GRPEL1: variants seen among roughly 807,000 people sequenced by gnomAD.
GRPEL1 encodes the protein grpE protein homolog 1, mitochondrial.
A neutral mutation model predicts 22.1 loss-of-function variants in GRPEL1; 13 were observed. The observed-to-expected ratio is 0.59, with a 90% CI of 0.38 to 0.94. The LOEUF (loss-of-function observed/expected upper bound fraction) is 0.94. Ranked by LOEUF, GRPEL1 falls within the 40% of genes least tolerant of loss-of-function variation. GRPEL1 has a pLI of 0.00. For missense variants in GRPEL1, 289 were observed against 264.6 expected, an observed-to-expected ratio of 1.09 and a Z score of -0.64; for synonymous variants, 109 against 105.3, an observed-to-expected ratio of 1.03 and a Z score of -0.21.
Position 7,062,124 on chromosome 4 carries a change from C to T in GRPEL1, c.307+261G>A, listed in dbSNP as rs555113395. ...TAAGGGGATGGGCATCAGAGGCTGA[C>T]CTGCTGCAGGTTCCCACCAAGGTCT... On this transcript the variant is annotated intron_variant, in intron 3 of 3. Transcript: ENST00000264954. 5 of 252,880 alleles carry T rather than the reference C, an allele frequency of 2.0e-5. No homozygotes were observed. The South Asian group carries it at 6.5e-4, about 33-fold the overall frequency. The allele number at this position is 252,880 out of a possible 1,614,324, so 15.7% of individuals were successfully genotyped here.
chr4:7,063,499 C>T (rs554108412), intron 2 of GRPEL1, among the ~76,000 whole-genome samples: 8 of 152,314 alleles, frequency 5.3e-5, no homozygotes, highest in African/African-American at 1.9e-4. Flanking sequence ...GCTCCAAGTC[C>T]AGGGGGTTCT....
chr4:7,066,074 T>C (rs1365451586), intron 1 of GRPEL1, among the ~76,000 whole-genome samples: 1 of 152,150 alleles, frequency 6.6e-6, no homozygotes, highest in Non-Finnish European at 1.5e-5. Context: ...GCCAGGATGG[T>C]CTAGGATCTC....
rs1042799593 is a variant in GRPEL1 at position 7,065,545 on chromosome 4, A to G, written c.63-1322T>C. The stretch of plus-strand genomic sequence containing the variant: ...AAAAAAAAAGTGATTAAAAAAAAAA[A>G]GGGAACTAAGTGCTTTGTGCTTTGG... On this transcript the variant is annotated intron_variant, in intron 1 of 3. Coordinates refer to ENST00000264954, the MANE Select transcript of GRPEL1 (RefSeq NM_025196.4). Among the ~76,000 whole-genome samples the G allele has an allele frequency of 4.6e-5, 7 of 151,750 alleles. 1 individual carries two copies. In the South Asian group the frequency reaches 1.3e-3, roughly 27 times the overall value.
At chr4:7,062,271 G>T in intron 3 of GRPEL1, 114 bp downstream of exon 3, 1 of 395,296 alleles carries the variant, frequency 2.5e-6, no homozygotes, top group South Asian at 3.5e-5. Context: ...GGATGCAACA[G>T]CTGGACCCCC....
At chr4:7,061,819 C>CT (rs1429179738) in intron 3 of GRPEL1, 1 of 153,590 alleles carries the variant, frequency 6.5e-6, no homozygotes, top group African/African-American at 2.4e-5. Flanking sequence ...CTCTCACCGT[C>CT]TGACCCAGGC....
At chr4:7,064,953 C>T (rs1010971284) in intron 1 of GRPEL1, among the ~76,000 whole-genome samples, 2 of 152,186 alleles carry the variant, frequency 1.3e-5, no homozygotes, top group Non-Finnish European at 2.9e-5. Flanking sequence ...AGCCACTGTG[C>T]CTGTCTTTTT....
At chr4:7,062,204 T>C (rs1724055496) in intron 3 of GRPEL1, 181 bp downstream of exon 3, 2 of 381,794 alleles carry the variant, frequency 5.2e-6, no homozygotes, top group Admixed American at 4.1e-5. Flanking sequence ...CTCAGCTACT[T>C]GATTTCTGCT....
rs761988892 is a variant in GRPEL1 at position 7,059,103 on chromosome 4, C to A, written c.*1759G>T. 6.6e-6 allele frequency: 1 copy of A among 152,206 alleles called. No individual in the cohort carries two copies. The highest frequency in any genetic ancestry group is 1.5e-5 in the Non-Finnish European group (1 of 68,040). The allele number at this position is 152,206 out of a possible 1,614,324, so 9.4% of individuals were successfully genotyped here. ...GTACACATGGTGTTCACAGGAAAAACTGCCTGACAGCGCATTTCTCAGAAC... is the reference window on the plus strand; with the variant it reads ...GTACACATGGTGTTCACAGGAAAAAATGCCTGACAGCGCATTTCTCAGAAC... On this transcript the variant is annotated 3_prime_UTR_variant, in exon 4 of 4. Transcript: ENST00000264954.
At chr4:7,067,819 G>A (rs1330787053) in intron 1 of GRPEL1, 152 bp downstream of exon 1, 3 of 761,278 alleles carry the variant, frequency 3.9e-6, no homozygotes, top group African/African-American at 1.8e-5. Context: ...CCCCAGCGGG[G>A]CGGTCCGCGT....
At position 7,059,577 on chromosome 4, in the gene GRPEL1, C is replaced by A. The variant is rs139929088; in HGVS notation, c.*1285G>T. The A allele has an allele frequency of 6.6e-6, 1 of 152,282 alleles. No homozygotes were observed. Among genetic ancestry groups the A allele is most frequent in the Non-Finnish European group, 1.5e-5 (1 of 68,018 alleles). 9.4% of individuals were successfully genotyped at this position (152,282 alleles called of 1,614,324 possible). A position where few individuals can be genotyped will look rare whatever the true frequency, so the allele number is the denominator to read the frequency against. On this transcript the variant is annotated 3_prime_UTR_variant, in exon 4 of 4. Transcript: ENST00000264954. ...TGGAACATGTTTGGGAATGGTATCC[C>A]AAGATGAAGTATTATGGGACCATTA...
rs377492651 is a variant in GRPEL1 at position 7,068,033 on chromosome 4, G to A, written c.-1C>T. The A allele has an allele frequency of 9.9e-6, 16 of 1,612,664 alleles. No individual in the cohort carries two copies. The highest frequency in any genetic ancestry group is 7.7e-5 in the South Asian group (7 of 91,000). On this transcript the variant is annotated 5_prime_UTR_variant, in exon 1 of 4. Transcript: ENST00000264954. Reference sequence around the variant, plus strand: ...CCAACCTCACGCACTGAGCCGCCATGACTGCCACTGCCCGTCGCAGTCGCC... The same window carrying A: ...CCAACCTCACGCACTGAGCCGCCATAACTGCCACTGCCCGTCGCAGTCGCC...
Position 7,061,093 on chromosome 4 carries a change from A to G in GRPEL1, c.423T>C (p.Tyr141=). 1 of 1,614,148 alleles carries G rather than the reference A, an allele frequency of 6.2e-7. No individual in the cohort carries two copies. The highest frequency in any genetic ancestry group is 8.5e-7 in the Non-Finnish European group (1 of 1,180,010). The stretch of plus-strand genomic sequence containing the variant: ...GGACTTCAGTCATGACCAGCCCCTC[A>G]TAGAGGTTCTTCAGGTGAGGGTTAT... ...KDDNPHLKNL[Y]EGLVMTEVQI... is the part of the protein sequence containing the mutation. Residue 141 remains tyrosine (Y), a synonymous_variant, in exon 4 of 4, where the codon TAT becomes TAC. Transcript: ENST00000264954.
In GRPEL1 at chr4:7,064,172, C is replaced by A; in HGVS notation, c.114G>T (p.Gln38His). Residue 38 changes from glutamine (Q) to histidine (H), a missense_variant, in exon 2 of 4, where the codon CAG (glutamine) becomes CAT (histidine). Gln to His is a conservative substitution (Grantham distance 24, BLOSUM62 0). Transcript: ENST00000264954. ...TCTGACCCATGTCCTCTTCCAGGTT[C>A]TGGCCACTGTTCTTTTGTTTCGTGG... ...CTATKQKNSGQNLEEDMGQSE... is the reference protein window; with the variant it reads ...CTATKQKNSGHNLEEDMGQSE... 1 of 1,614,182 alleles carries A rather than the reference C, an allele frequency of 6.2e-7. No individual in the cohort carries two copies. Among genetic ancestry groups the A allele is most frequent in the Non-Finnish European group, 8.5e-7 (1 of 1,180,002 alleles).
At chr4:7,065,129 T>C (rs1724135127) in intron 1 of GRPEL1, among the ~76,000 whole-genome samples, 1 of 152,212 alleles carries the variant, frequency 6.6e-6, no homozygotes, top group Non-Finnish European at 1.5e-5. Context: ...AGAGTGAGGC[T>C]GGCCTACTGC....
At position 7,059,088 on chromosome 4, in the gene GRPEL1, T is replaced by C. The variant is rs1723968325; in HGVS notation, c.*1774A>G. The C allele has an allele frequency of 6.6e-6, 1 of 152,264 alleles. No homozygotes were observed. Among genetic ancestry groups the C allele is most frequent in the African/African-American group, 2.4e-5 (1 of 41,540 alleles). The allele number at this position is 152,264 out of a possible 1,614,324, so 9.4% of individuals were successfully genotyped here. A position where few individuals can be genotyped will look rare whatever the true frequency, so the allele number is the denominator to read the frequency against. Reference sequence around the variant, plus strand: ...TTTAGGTCCATGTAGGTACACATGGTGTTCACAGGAAAAACTGCCTGACAG... The same window carrying C: ...TTTAGGTCCATGTAGGTACACATGGCGTTCACAGGAAAAACTGCCTGACAG... On this transcript the variant is annotated 3_prime_UTR_variant, in exon 4 of 4. Transcript: ENST00000264954.
intron 1 of GRPEL1, among the ~76,000 whole-genome samples, chr4:7,064,828 G>A (rs773619337): frequency 3.3e-5 from 5 of 152,024 alleles, no homozygotes; most frequent in South Asian, 4.1e-4. Flanking sequence ...ACAGGGTTTC[G>A]CTGTCACCCA....
intron 1 of GRPEL1, 60 bp from the exon 2 acceptor site, chr4:7,064,283 A>G: frequency 2.0e-6 from 3 of 1,531,758 alleles, no homozygotes; most frequent in Non-Finnish European, 2.6e-6. Context: ...TTAAAGTCAG[A>G]TGTATGACTT....
chr4:7,065,649 G>A (rs1214075015), intron 1 of GRPEL1, among the ~76,000 whole-genome samples: 4 of 152,078 alleles, frequency 2.6e-5, no homozygotes, highest in East Asian at 3.9e-4. Context: ...TAAGAGTTAC[G>A]AAAAAGGGAT....
At position 7,064,088 on chromosome 4, in the gene GRPEL1, C is replaced by G. The variant is rs774609129; in HGVS notation, c.198G>C (p.Lys66Asn). 1.9e-6 allele frequency: 3 copies of G among 1,614,200 alleles called. No homozygotes were observed. Among genetic ancestry groups the G allele is most frequent in the East Asian group, 2.2e-5 (1 of 44,888 alleles). ...TEKTLLEEKV[K>N]LEEQLKETVE... The stretch of plus-strand genomic sequence containing the variant: ...CAGTCTCCTTCAGCTGTTCCTCCAA[C>G]TTGACCTTCTCTTCCAGGAGGGTCT... The change falls in exon 2 of 4, where the codon AAG becomes AAC. Residue 66 changes from lysine (K) to asparagine (N), a missense_variant. Lys to Asn is a moderately conservative substitution (Grantham distance 94). Transcript: ENST00000264954.
Sources: gnomAD v4.1 joint callset for allele counts (sites outside exome capture counted in the v4.1 genomes callset) on GRCh38, gnomAD v4.1.1 for gene constraint, MANE v1.5 for transcripts, NCBI Gene and HGNC (gene_info 2026-07-23, HGNC 2026-07-21) for gene names.